Variants in PMF1 observed in about 807,000 individuals in gnomAD.
The protein encoded by PMF1 is polyamine modulated factor 1.
PMF1 carries 21 observed loss-of-function variants against 26.7 expected under a neutral mutation model. That is an observed-to-expected ratio of 0.79 (90% CI 0.56 to 1.13). PMF1 has a LOEUF of 1.13. Ranked by LOEUF, PMF1 falls within the 50% of genes most tolerant of loss-of-function variation. The pLI is 0.00. For synonymous variants in PMF1, 105 were observed against 101.0 expected, an observed-to-expected ratio of 1.04 and a Z score of -0.24; for missense variants, 266 against 254.9, an observed-to-expected ratio of 1.04 and a Z score of -0.30.
intron 1 of PMF1, among the ~76,000 whole-genome samples, chr1:156,230,206 A>C (rs897650742): frequency 3.3e-5 from 5 of 152,228 alleles, no homozygotes. Flanking sequence ...GCCAAGGAGC[A>C]TCCTGACCTA....
At chr1:156,226,273 A>G (rs576957513) in intron 1 of PMF1, among the ~76,000 whole-genome samples, 227 of 152,320 alleles carry the variant, frequency 1.5e-3, no homozygotes, top group Non-Finnish European at 2.6e-3. Flanking sequence ...CCAAGAAAAA[A>G]TAACAGGTTA....
At position 156,213,025 on chromosome 1, in the gene PMF1, G is replaced by A. The variant is rs146867902; in HGVS notation, c.10G>A (p.Ala4Thr). Residue 4 changes from alanine to threonine, a missense_variant, in exon 1 of 5, where the codon GCA becomes ACA. By Grantham distance (58) the Ala-to-Thr change is moderately conservative. Coordinates refer to ENST00000368277, the MANE Select transcript of PMF1 (RefSeq NM_007221.4). Reference sequence around the variant, plus strand: ...GAGGTTCAACTTCAACATGGCCGAAGCAAGTAGCGCCAATCTAGGCAGCGG... The same window carrying A: ...GAGGTTCAACTTCAACATGGCCGAAACAAGTAGCGCCAATCTAGGCAGCGG... MAE[A>T]SSANLGSGCE... is the part of the protein sequence containing the mutation. 1,134 of 1,614,210 alleles carry A rather than the reference G, an allele frequency of 7.0e-4. 1 individual carries two copies. Among genetic ancestry groups the A allele is most frequent in the Non-Finnish European group, 8.9e-4 (1,048 of 1,180,006 alleles).
intron 2 of PMF1, 150 bp from the exon 3 acceptor site, chr1:156,233,478 C>A: frequency 1.4e-6 from 1 of 723,700 alleles, no homozygotes; most frequent in South Asian, 1.9e-5. Context: ...ATTATAAAAG[C>A]CACATGTAGA....
chr1:156,217,253 A>G (rs1176790649), intron 1 of PMF1, among the ~76,000 whole-genome samples: 3 of 151,944 alleles, frequency 2.0e-5, no homozygotes, highest in Non-Finnish European at 4.4e-5. Flanking sequence ...AAAGAAAAAA[A>G]AAAAAGGAAT....
intron 2 of PMF1, 30 bp from the exon 3 acceptor site, chr1:156,233,598 C>G (rs1167621360): frequency 6.2e-7 from 1 of 1,609,084 alleles, no homozygotes; most frequent in East Asian, 2.2e-5. Context: ...CATCTCGTGT[C>G]ATTACAGCTC....
At chr1:156,230,519 C>T (rs1249578100) in intron 1 of PMF1, among the ~76,000 whole-genome samples, 1 of 152,112 alleles carries the variant, frequency 6.6e-6, no homozygotes, top group African/African-American at 2.4e-5. Flanking sequence ...GGGTGATCAG[C>T]ATATAGCAGA....
intron 1 of PMF1, among the ~76,000 whole-genome samples, chr1:156,217,157 G>A (rs1309389524): frequency 6.7e-5 from 10 of 148,410 alleles, no homozygotes; most frequent in African/African-American, 2.3e-4. Context: ...TGGGTGCAGC[G>A]CACCAGCATG....
intron 2 of PMF1, 76 bp downstream of exon 2, chr1:156,232,501 G>GC: frequency 7.0e-7 from 1 of 1,423,804 alleles, no homozygotes; most frequent in African/African-American, 1.4e-5. Context: ...GAGGGCAGTG[G>GC]CCCCACCCTC....
intron 1 of PMF1, chr1:156,225,654 C>G (rs764623039): frequency 6.5e-5 from 102 of 1,558,334 alleles, no homozygotes; most frequent in Non-Finnish European, 8.6e-5. Flanking sequence ...GTGCAGGTTA[C>G]CACAGGGGAG....
At chr1:156,222,240 C>G (rs540778538) in intron 1 of PMF1, among the ~76,000 whole-genome samples, 41 of 152,318 alleles carry the variant, frequency 2.7e-4, no homozygotes, top group African/African-American at 9.1e-4. Flanking sequence ...AGTGCTGCCC[C>G]CCTGCCTTCA....
intron 4 of PMF1, among the ~76,000 whole-genome samples, chr1:156,238,991 G>A (rs1204716291): frequency 5.9e-5 from 9 of 151,760 alleles, no homozygotes; most frequent in African/African-American, 1.7e-4. Context: ...CTCCACTATC[G>A]CCACTCAGTC....
chr1:156,233,624 T>C lies in PMF1; in HGVS notation c.268-4T>C. On this transcript the variant is annotated splice_polypyrimidine_tract_variant and splice_region_variant and intron_variant, in intron 2 of 4. Coordinates refer to ENST00000368277, the MANE Select transcript of PMF1 (RefSeq NM_007221.4). The stretch of plus-strand genomic sequence containing the variant: ...ATTACAGCTCTTTCCTCCTTTCTCT[T>C]CAGGAGGAAATCTCTGACATCAAAG... The C allele has an allele frequency of 6.2e-7, 1 of 1,613,368 alleles. No individual in the cohort carries two copies. Among genetic ancestry groups the C allele is most frequent in the Non-Finnish European group, 8.5e-7 (1 of 1,179,502 alleles).
intron 1 of PMF1, among the ~76,000 whole-genome samples, chr1:156,222,281 TCTC>T (rs1388315110): frequency 1.3e-5 from 2 of 152,154 alleles, no homozygotes; most frequent in African/African-American, 4.8e-5. Context: ...CACTGCTGCT[TCTC>T]CTCAGTAGAA....
intron 1 of PMF1, chr1:156,220,948 A>T (rs1658049017): frequency 6.6e-6 from 1 of 152,122 alleles, no homozygotes; most frequent in South Asian, 2.1e-4. Flanking sequence ...CACCGCGCCC[A>T]GCTGGATATA....
chr1:156,227,790 G>A (rs545997195), intron 1 of PMF1, among the ~76,000 whole-genome samples: 3 of 148,214 alleles, frequency 2.0e-5, no homozygotes, highest in Non-Finnish European at 3.0e-5. Flanking sequence ...GAGCCACTGC[G>A]CCTGGCCTTA....
chr1:156,239,548 G>T lies in PMF1; in HGVS notation c.565G>T (p.Ala189Ser). The T allele has an allele frequency of 3.1e-6, 5 of 1,613,012 alleles. No individual in the cohort carries two copies. Among genetic ancestry groups the T allele is most frequent in the Non-Finnish European group, 4.2e-6 (5 of 1,179,596 alleles). ...GTCTGTTGTCTCCCATTGATTTCAGGCTCTACACAGAGAACAGAGGGAGCT... is the reference window on the plus strand; with the variant it reads ...GTCTGTTGTCTCCCATTGATTTCAGTCTCTACACAGAGAACAGAGGGAGCT... ...QVQAQQQAWQ[A>S]LHREQRELVA... Residue 189 changes from alanine (A) to serine (S), a missense_variant and splice_region_variant, in exon 5 of 5, where the codon GCT (alanine) becomes TCT (serine). Ala to Ser is a moderately conservative substitution (Grantham distance 99). Transcript: ENST00000368277.
chr1:156,237,787 T>C (rs983021403), intron 4 of PMF1, among the ~76,000 whole-genome samples: 2 of 143,784 alleles, frequency 1.4e-5, no homozygotes, highest in African/African-American at 5.2e-5. Flanking sequence ...GAGACAGTCT[T>C]GCTCTGTTGC....
intron 1 of PMF1, among the ~76,000 whole-genome samples, chr1:156,218,777 G>A (rs1435760395): frequency 3.3e-5 from 5 of 151,750 alleles, no homozygotes; most frequent in Admixed American, 1.3e-4. Flanking sequence ...GCGAGACTCC[G>A]TCTCAAAAAC....
intron 1 of PMF1, among the ~76,000 whole-genome samples, chr1:156,226,553 G>A (rs1199844977): frequency 6.6e-6 from 1 of 152,246 alleles, no homozygotes; most frequent in Non-Finnish European, 1.5e-5. Context: ...CTGTACTTCA[G>A]AAGGGCAGTG....
Sources: allele counts gnomAD v4.1 joint callset (sites outside exome capture counted in the v4.1 genomes callset), GRCh38; gene constraint gnomAD v4.1.1; transcripts MANE v1.5; gene names NCBI Gene and HGNC (gene_info 2026-07-23, HGNC 2026-07-21).